Variants in VPS18 observed in about 807,000 individuals in gnomAD.
The protein encoded by VPS18 is vacuolar protein sorting-associated protein 18 homolog.
A neutral mutation model predicts 82.0 loss-of-function variants in VPS18; 25 were observed. The observed-to-expected ratio is 0.30, with a 90% CI of 0.22 to 0.43. VPS18 has a LOEUF of 0.43. VPS18 is among the 20% of genes least tolerant of loss of function. The pLI is 1.00. For missense variants in VPS18, 1,168 were observed against 1,311.1 expected, an observed-to-expected ratio of 0.89 and a Z score of 1.69; for synonymous variants, 523 against 543.0, an observed-to-expected ratio of 0.96 and a Z score of 0.51.
intron 1 of VPS18, 95 bp from the exon 2 acceptor site, chr15:40,895,843 A>G: frequency 6.5e-7 from 1 of 1,534,492 alleles, no homozygotes; most frequent in Non-Finnish European, 8.9e-7. Flanking sequence ...ATATGTCAGG[A>G]AAGTGGCGAG....
rs369164608 is a variant in VPS18 at position 40,898,893 on chromosome 15, G to A, written c.234-14G>A. ...TTCCCTTCTCTAAAGTGATGGTGAC[G>A]CTTGTCCCCACAGCATTGACTTGGG... is the stretch of plus-strand genomic sequence containing the variant. On this transcript the variant is annotated splice_polypyrimidine_tract_variant and intron_variant, in intron 2 of 4. Coordinates refer to ENST00000220509, the MANE Select transcript of VPS18 (RefSeq NM_020857.3). The A allele has an allele frequency of 6.1e-5, 98 of 1,611,874 alleles. No homozygotes were observed. In the African/African-American group the frequency reaches 9.5e-4, roughly 16 times the overall value.
chr15:40,895,881 C>T, intron 1 of VPS18, 57 bp from the exon 2 acceptor site: 4 of 1,607,338 alleles, frequency 2.5e-6, no homozygotes, highest in Non-Finnish European at 2.6e-6. Flanking sequence ...TTCTGCCTCT[C>T]CTTGCCCTTC....
rs768213576 is a variant in VPS18, at chr15:40,902,814, G to C, written c.2395G>C (p.Asp799His). The C allele has an allele frequency of 6.2e-7, 1 of 1,614,176 alleles. No individual in the cohort carries two copies. The highest frequency in any genetic ancestry group is 8.5e-7 in the Non-Finnish European group (1 of 1,180,026). Reference protein sequence around the residue: ...LPFFPDFVTIDHFKEAICSSL... With the variant: ...LPFFPDFVTIHHFKEAICSSL... ...CTTCTTTCCTGATTTCGTCACCATC[G>C]ACCACTTCAAGGAGGCGATCTGCAG... The change falls in exon 5 of 5, where the codon GAC (aspartate) becomes CAC (histidine). Residue 799 changes from aspartate (D) to histidine (H), a missense_variant. By Grantham distance (81) the Asp-to-His change is moderately conservative. Around this residue, in one of 3 missense-constraint regions of VPS18, gnomAD observed 296 missense variants for 354.0 expected, o/e 0.84. Coordinates refer to ENST00000220509, the MANE Select transcript of VPS18 (RefSeq NM_020857.3). This position sits in a 1 kb window ranked among gnomAD's most constrained non-coding sequence, Gnocchi z 4.2.
In VPS18 at chr15:40,903,516, C is replaced by A; in HGVS notation, c.*175C>A. 1.2e-6 allele frequency: 1 copy of A among 852,454 alleles called. No individual in the cohort carries two copies. Among genetic ancestry groups the A allele is most frequent in the Non-Finnish European group, 1.7e-6 (1 of 604,628 alleles). The allele number at this position is 852,454 out of a possible 1,614,324, so 52.8% of individuals were successfully genotyped here. A position where few individuals can be genotyped will look rare whatever the true frequency, so the allele number is the denominator to read the frequency against. On this transcript the variant is annotated 3_prime_UTR_variant, in exon 5 of 5. Transcript: ENST00000220509. ...GGTGTCAGGTGTGAGTGTATTCTGC[C>A]AGCTTTTCATGCTGTTCTTCAGAGC...
intron 4 of VPS18, among the ~76,000 whole-genome samples, chr15:40,901,456 G>T (rs1232038092): frequency 1.3e-5 from 2 of 151,916 alleles, no homozygotes; most frequent in African/African-American, 4.8e-5. Flanking sequence ...ACATTGTGGT[G>T]CATGCCTGTA....
In VPS18 at chr15:40,900,031, A is replaced by G. The variant is rs1389539582; in HGVS notation, c.1213A>G (p.Met405Val). The G allele has an allele frequency of 2.5e-6, 4 of 1,613,996 alleles. No homozygotes were observed. The highest frequency in any genetic ancestry group is 2.2e-5 in the East Asian group (1 of 44,888). Residue 405 changes from methionine to valine, a missense_variant, in exon 4 of 5, where the codon ATG (methionine) becomes GTG (valine). By Grantham distance (21) the Met-to-Val change is conservative (BLOSUM62 1). Coordinates refer to ENST00000220509, the MANE Select transcript of VPS18 (RefSeq NM_020857.3). This position sits in a 1 kb window ranked among gnomAD's most constrained non-coding sequence, Gnocchi z 5.4. ...ARDVWRTYLD[M>V]NRFDLAKEYC... ...AGATGTCTGGCGCACCTATCTGGAC[A>G]TGAACCGCTTCGATCTGGCCAAAGA...
In VPS18 at chr15:40,900,052, A is replaced by C; in HGVS notation, c.1234A>C (p.Lys412Gln). 6.2e-7 allele frequency: 1 copy of C among 1,613,906 alleles called. No individual in the cohort carries two copies. Among genetic ancestry groups the C allele is most frequent in the Non-Finnish European group, 8.5e-7 (1 of 1,180,004 alleles). Residue 412 changes from lysine (K) to glutamine (Q), a missense_variant, in exon 4 of 5, where the codon AAA becomes CAA. By Grantham distance (53) the Lys-to-Gln change is moderately conservative. Transcript: ENST00000220509. This position sits in a 1 kb window ranked among gnomAD's most constrained non-coding sequence, Gnocchi z 5.4. Reference sequence around the variant, plus strand: ...GGACATGAACCGCTTCGATCTGGCCAAAGAGTATTGTCGAGAGCGGCCCGA... The same window carrying C: ...GGACATGAACCGCTTCGATCTGGCCCAAGAGTATTGTCGAGAGCGGCCCGA... ...YLDMNRFDLA[K>Q]EYCRERPDCL...
Position 40,902,591 on chromosome 15 carries a change from C to T in VPS18, c.2197-25C>T, listed in dbSNP as rs1892377662. ...CATGTTGGGCAGGGAGGGGCTTGGC[C>T]CTAAAGCCCATGCTCTCCCCACAGG... On this transcript the variant is annotated intron_variant, in intron 4 of 4. Transcript: ENST00000220509. The surrounding 1 kb of genome is among the most constrained non-coding windows in gnomAD (Gnocchi z 4.2). 1.9e-6 allele frequency: 3 copies of T among 1,590,030 alleles called. No homozygotes were observed. The African/African-American group carries it at 4.0e-5, about 21-fold the overall frequency.
At chr15:40,896,764 T>C (rs1892236902) in intron 2 of VPS18, among the ~76,000 whole-genome samples, 1 of 147,012 alleles carries the variant, frequency 6.8e-6, no homozygotes, top group South Asian at 2.1e-4. Flanking sequence ...TGAGCTGAGA[T>C]TGCACCATTG....
At position 40,902,509 on chromosome 15, in the gene VPS18, G is replaced by T; in HGVS notation, c.2197-107G>T. 1 of 1,441,594 alleles carries T rather than the reference G, an allele frequency of 6.9e-7. No homozygotes were observed. Among genetic ancestry groups the T allele is most frequent in the Non-Finnish European group, 9.2e-7 (1 of 1,087,762 alleles). 89.3% of individuals were successfully genotyped at this position (1,441,594 alleles called of 1,614,324 possible). A position where few individuals can be genotyped will look rare whatever the true frequency, so the allele number is the denominator to read the frequency against. ...GCGGCAGGCCCCCTTGCTTCCAGGA[G>T]TGCTGGGAATCCTGCCTCGGGGCCT... On this transcript the variant is annotated intron_variant, in intron 4 of 4. Transcript: ENST00000220509. The surrounding 1 kb of genome is among the most constrained non-coding windows in gnomAD (Gnocchi z 4.2).
rs376767093 is a variant in VPS18, at chr15:40,898,889, T to C, written c.234-18T>C. ...GATCTTCCCTTCTCTAAAGTGATGGTGACGCTTGTCCCCACAGCATTGACT... is the reference window on the plus strand; with the variant it reads ...GATCTTCCCTTCTCTAAAGTGATGGCGACGCTTGTCCCCACAGCATTGACT... On this transcript the variant is annotated intron_variant, in intron 2 of 4. Transcript: ENST00000220509. 8.9e-5 allele frequency: 143 copies of C among 1,610,442 alleles called. No individual in the cohort carries two copies. The highest frequency in any genetic ancestry group is 1.2e-4 in the Non-Finnish European group (138 of 1,177,464).
In VPS18 at chr15:40,899,857, T is replaced by G. The variant is rs1249919859; in HGVS notation, c.1039T>G (p.Cys347Gly). 1 of 1,608,732 alleles carries G rather than the reference T, an allele frequency of 6.2e-7. No homozygotes were observed. Among genetic ancestry groups the G allele is most frequent in the Admixed American group, 1.7e-5 (1 of 60,034 alleles). Residue 347 changes from cysteine (C) to glycine (G), a missense_variant, in exon 4 of 5, where the codon TGC becomes GGC. By Grantham distance (159) the Cys-to-Gly change is radical. This residue lies in a region of VPS18 where 868 missense variants were observed against 939.8 expected (regional missense o/e 0.92). Coordinates refer to ENST00000220509, the MANE Select transcript of VPS18 (RefSeq NM_020857.3). The surrounding 1 kb of genome is among the most constrained non-coding windows in gnomAD (Gnocchi z 4.4). ...ACTGGCAGACCGGGTGGAGGCAGTG[T>G]GCACACTGACCGGGCAGGTGGTGCT... ...LLLADRVEAV[C>G]TLTGQVVLRD...
At position 40,899,327 on chromosome 15, in the gene VPS18, T is replaced by G. The variant is rs1479569182; in HGVS notation, c.509T>G (p.Phe170Cys). ...GTCGGGACTGCCCAAGGCCACATCTTTGAAGCAGAGCTCTCAGCCAGCGAA... is the reference window on the plus strand; with the variant it reads ...GTCGGGACTGCCCAAGGCCACATCTGTGAAGCAGAGCTCTCAGCCAGCGAA... ...ILVGTAQGHI[F>C]EAELSASEGG... Residue 170 changes from phenylalanine to cysteine, a missense_variant, in exon 4 of 5, where the codon TTT (phenylalanine) becomes TGT (cysteine). Physicochemically the swap from Phe to Cys is radical, Grantham distance 205. Coordinates refer to ENST00000220509, the MANE Select transcript of VPS18 (RefSeq NM_020857.3). This position sits in a 1 kb window ranked among gnomAD's most constrained non-coding sequence, Gnocchi z 4.4. The G allele has an allele frequency of 1.9e-6, 3 of 1,613,996 alleles. No individual in the cohort carries two copies. The highest frequency in any genetic ancestry group is 2.5e-6 in the Non-Finnish European group (3 of 1,179,860).
At position 40,899,392 on chromosome 15, in the gene VPS18, C is replaced by A. The variant is rs762864245; in HGVS notation, c.574C>A (p.Pro192Thr). ...FGPAPDLYFR[P>T]LYVLNEEGGP... ...CCCTGCTCCGGATCTCTACTTCCGC[C>A]CATTGTACGTGCTAAATGAAGAAGG... is the stretch of plus-strand genomic sequence containing the variant. Residue 192 changes from proline to threonine, a missense_variant, in exon 4 of 5, where the codon CCA (proline) becomes ACA (threonine). By Grantham distance (38) the Pro-to-Thr change is conservative. This residue lies in a region of VPS18 where 868 missense variants were observed against 939.8 expected (regional missense o/e 0.92). Coordinates refer to ENST00000220509, the MANE Select transcript of VPS18 (RefSeq NM_020857.3). This position sits in a 1 kb window ranked among gnomAD's most constrained non-coding sequence, Gnocchi z 4.4. The A allele has an allele frequency of 6.2e-7, 1 of 1,607,510 alleles. No homozygotes were observed. Among genetic ancestry groups the A allele is most frequent in the Non-Finnish European group, 8.5e-7 (1 of 1,174,892 alleles).
intron 2 of VPS18, among the ~76,000 whole-genome samples, chr15:40,898,196 T>G (rs1050849489): frequency 6.6e-6 from 1 of 151,262 alleles, no homozygotes; most frequent in East Asian, 1.9e-4. Context: ...CCTTGTGATC[T>G]GCCCGCCTTG....
At chr15:40,898,806 A>G (rs1892282545) in intron 2 of VPS18, 101 bp from the exon 3 acceptor site, 1 of 1,232,526 alleles carries the variant, frequency 8.1e-7, no homozygotes, top group Non-Finnish European at 1.2e-6. Flanking sequence ...TGTATATTTC[A>G]GGGAAGTAAG....
intron 2 of VPS18, among the ~76,000 whole-genome samples, chr15:40,896,303 C>T (rs1223423188): frequency 6.6e-6 from 1 of 152,122 alleles, no homozygotes; most frequent in Non-Finnish European, 1.5e-5. Flanking sequence ...CTTCGGGAGG[C>T]CAAGACAAGA....
Position 40,902,509 on chromosome 15 carries a change from GTGCTGGGAATCC to G in VPS18, c.2197-103_2197-92del. On this transcript the variant is annotated intron_variant, in intron 4 of 4. Transcript: ENST00000220509. This position sits in a 1 kb window ranked among gnomAD's most constrained non-coding sequence, Gnocchi z 4.2. ...GCGGCAGGCCCCCTTGCTTCCAGGA[GTGCTGGGAATCC>G]TGCCTCGGGGCCTCTCCTCGGCCAT... The G allele has an allele frequency of 6.9e-7, 1 of 1,441,594 alleles. No homozygotes were observed. The highest frequency in any genetic ancestry group is 9.2e-7 in the Non-Finnish European group (1 of 1,087,762). 89.3% of individuals were successfully genotyped at this position (1,441,594 alleles called of 1,614,324 possible).
Position 40,900,300 on chromosome 15 carries a change from G to T in VPS18, c.1482G>T (p.Trp494Cys). 6.2e-7 allele frequency: 1 copy of T among 1,613,670 alleles called. No individual in the cohort carries two copies. Among genetic ancestry groups the T allele is most frequent in the Non-Finnish European group, 8.5e-7 (1 of 1,179,990 alleles). Residue 494 changes from tryptophan (W) to cysteine (C), a missense_variant, in exon 4 of 5, where the codon TGG becomes TGT. Coordinates refer to ENST00000220509, the MANE Select transcript of VPS18 (RefSeq NM_020857.3). The surrounding 1 kb of genome is among the most constrained non-coding windows in gnomAD (Gnocchi z 5.4). ...ERTQATLLTT[W>C]LTELYLSRLG... ...CCCAGGCCACACTGCTGACCACCTGGCTGACAGAGCTCTACCTGAGCCGGC... is the reference window on the plus strand; with the variant it reads ...CCCAGGCCACACTGCTGACCACCTGTCTGACAGAGCTCTACCTGAGCCGGC...
Sources: allele counts gnomAD v4.1 joint callset (sites outside exome capture counted in the v4.1 genomes callset), GRCh38; gene constraint gnomAD v4.1.1; regional missense constraint gnomAD v4.1.1; non-coding constraint Gnocchi (gnomAD v3.1); transcripts MANE v1.5; gene names NCBI Gene and HGNC (gene_info 2026-07-23, HGNC 2026-07-21).